Variants in FOXP1 observed in about 807,000 individuals in gnomAD.
The protein encoded by FOXP1 is forkhead box protein P1.
Under a neutral mutation model 98.2 loss-of-function variants are expected in FOXP1, and 15 were observed. The ratio of observed to expected loss-of-function variants is 0.15; its 90% CI spans 0.10 to 0.24. The LOEUF is 0.24. Among genes scored for constraint, FOXP1 ranks in the 10% least tolerant of loss-of-function variants. The pLI is 1.00. For synonymous variants in FOXP1, 371 were observed against 314.5 expected (o/e 1.18, Z -1.90); for missense variants, 633 against 848.5 (o/e 0.75, Z 3.15).
At chr3:71,583,396 G>A in intron 1 of FOXP1, 175 bp downstream of exon 1, 2 of 899,918 alleles carry the variant, frequency 2.2e-6, no homozygotes, top group Non-Finnish European at 2.7e-6. Flanking sequence ...TGGGGGAGAT[G>A]CACGTGGAGC....
chr3:71,347,912 C>T (rs1484807809), intron 4 of FOXP1, among the ~76,000 whole-genome samples: 1 of 151,716 alleles, frequency 6.6e-6, no homozygotes, highest in African/African-American at 2.4e-5. Context: ...AGTTGTCCCT[C>T]ATTATACACA....
intron 3 of FOXP1, among the ~76,000 whole-genome samples, chr3:71,434,708 T>A (rs1439589888): frequency 6.6e-6 from 1 of 150,404 alleles, no homozygotes; most frequent in Non-Finnish European, 1.5e-5. Context: ...ACTTAAATGG[T>A]GTAGAGTAGA....
At chr3:71,433,206 T>C (rs1434152742) in intron 3 of FOXP1, among the ~76,000 whole-genome samples, 1 of 152,212 alleles carries the variant, frequency 6.6e-6, no homozygotes. Context: ...GTAAAAATCA[T>C]GTCATGAACT....
intron 3 of FOXP1, among the ~76,000 whole-genome samples, chr3:71,369,897 C>G (rs897222718): frequency 6.6e-6 from 1 of 152,172 alleles, no homozygotes; most frequent in Non-Finnish European, 1.5e-5. Flanking sequence ...TTAAGACCTC[C>G]TGGAGCCCAC....
At chr3:71,247,290 T>G (rs544433566) in intron 5 of FOXP1, among the ~76,000 whole-genome samples, 46 of 152,344 alleles carry the variant, frequency 3.0e-4, no homozygotes, top group Non-Finnish European at 5.9e-4. Flanking sequence ...GACCCCAGTC[T>G]GAGGGTGATG....
At chr3:71,284,416 T>A (rs2071890218) in intron 5 of FOXP1, among the ~76,000 whole-genome samples, 1 of 152,020 alleles carries the variant, frequency 6.6e-6, no homozygotes, top group Admixed American at 6.6e-5. Context: ...AATATAAAAA[T>A]TAGCTGGACA....
intron 2 of FOXP1, among the ~76,000 whole-genome samples, chr3:71,524,184 G>A (rs1165699962): frequency 6.6e-6 from 1 of 152,028 alleles, no homozygotes; most frequent in African/African-American, 2.4e-5. Context: ...GGCCAACATG[G>A]CAAAACCCGT....
intron 11 of FOXP1, among the ~76,000 whole-genome samples, 195 bp from the exon 12 acceptor site, chr3:71,015,848 G>A (rs904973667): frequency 7.9e-5 from 12 of 152,172 alleles, no homozygotes; most frequent in African/African-American, 2.9e-4. Context: ...TTGTACCTAA[G>A]TGTATTTAGT....
chr3:71,039,861 T>A (rs1040138198), intron 11 of FOXP1, among the ~76,000 whole-genome samples: 1 of 152,040 alleles, frequency 6.6e-6, no homozygotes, highest in African/African-American at 2.4e-5. Context: ...AGAAGCCACA[T>A]TTCCCTCAAT....
intron 2 of FOXP1, among the ~76,000 whole-genome samples, chr3:71,500,023 C>G (rs75467744): frequency 0.043 from 6,484 of 152,264 alleles, 204 homozygotes; most frequent in Non-Finnish European, 0.067. Flanking sequence ...AAACGGTCAC[C>G]AGATTTAACC....
chr3:71,519,350 T>C (rs9866496), intron 2 of FOXP1, among the ~76,000 whole-genome samples: 44,631 of 152,136 alleles, frequency 0.29, 7,576 homozygotes, highest in African/African-American at 0.46. Flanking sequence ...GCGGAGACTT[T>C]ACATAGTACA....
intron 2 of FOXP1, among the ~76,000 whole-genome samples, chr3:71,509,943 C>T (rs949015044): frequency 1.3e-5 from 2 of 152,162 alleles, no homozygotes; most frequent in African/African-American, 4.8e-5. Context: ...CTTTGGGAGG[C>T]CAAGGCGAGC....
rs932028263 is a variant in FOXP1, at chr3:70,977,697, A to G, written c.1374T>C (p.Phe458=). 6.2e-7 allele frequency: 1 copy of G among 1,614,056 alleles called. No homozygotes were observed. Among genetic ancestry groups the G allele is most frequent in the Non-Finnish European group, 8.5e-7 (1 of 1,180,016 alleles). The part of the protein sequence containing the change: ...SSADIAQNQE[F]YKNAEVRPPF... ...GTGGTCTAACTTCTGCGTTCTTATA[A>G]AATTCTTGGTTCTGCGCAATATCTG... Residue 458 remains phenylalanine (F), a synonymous_variant, in exon 16 of 21, where the codon TTT becomes TTC. Coordinates refer to ENST00000649528, the MANE Select transcript of FOXP1 (RefSeq NM_001349338.3).
At chr3:71,029,356 G>A (rs1296159487) in intron 11 of FOXP1, among the ~76,000 whole-genome samples, 2 of 151,988 alleles carry the variant, frequency 1.3e-5, no homozygotes, top group African/African-American at 4.8e-5. Flanking sequence ...GATGTAGGGG[G>A]AACATACACA....
chr3:71,026,393 T>C (rs1187700547), intron 11 of FOXP1, among the ~76,000 whole-genome samples: 2 of 152,080 alleles, frequency 1.3e-5, no homozygotes, highest in Non-Finnish European at 2.9e-5. Flanking sequence ...TGTAGCTGGG[T>C]TAACTTCGCA....
chr3:71,441,861 C>T (rs1213142657), intron 3 of FOXP1, among the ~76,000 whole-genome samples: 1 of 152,128 alleles, frequency 6.6e-6, no homozygotes, highest in Non-Finnish European at 1.5e-5. Context: ...ACTCAGACTG[C>T]AGAAGAATGT....
Position 70,957,130 on chromosome 3 carries a change from C to G in FOXP1, c.*2117G>C, listed in dbSNP as rs1182107648. On this transcript the variant is annotated 3_prime_UTR_variant, in exon 21 of 21. Coordinates refer to ENST00000649528, the MANE Select transcript of FOXP1 (RefSeq NM_001349338.3). ...TCTAAACTGTCTCCTTTATTGGATACTCTAATTGCAGTGGCATACATTCAT... is the reference window on the plus strand; with the variant it reads ...TCTAAACTGTCTCCTTTATTGGATAGTCTAATTGCAGTGGCATACATTCAT... 3 of 221,706 alleles carry G rather than the reference C, an allele frequency of 1.4e-5. No individual in the cohort carries two copies. Among genetic ancestry groups the G allele is most frequent in the Non-Finnish European group, 2.7e-5 (3 of 110,690 alleles). The allele number at this position is 221,706 out of a possible 1,614,324, so 13.7% of individuals were successfully genotyped here.
chr3:71,396,166 G>A (rs750758059), intron 3 of FOXP1, among the ~76,000 whole-genome samples: 5 of 152,052 alleles, frequency 3.3e-5, no homozygotes, highest in Non-Finnish European at 7.4e-5. Context: ...CTCTGCTACC[G>A]GACTACACAG....
In FOXP1 at chr3:71,175,253, G is replaced by A. The variant is rs532210601; in HGVS notation, c.180+22949C>T. 5.3e-5 allele frequency among the ~76,000 whole-genome samples: 8 copies of A among 152,318 alleles called. No homozygotes were observed. In the South Asian group the frequency reaches 1.7e-3, roughly 32 times the overall value. ...AGTAGCTTGAGGGGCAAATATGTAA[G>A]CCACCCAGAAACATGCATGTACTTC... On this transcript the variant is annotated intron_variant, in intron 6 of 20. Transcript: ENST00000649528.
Sources: gnomAD v4.1 joint callset for allele counts (sites outside exome capture counted in the v4.1 genomes callset) on GRCh38, gnomAD v4.1.1 for gene constraint, MANE v1.5 for transcripts, NCBI Gene and HGNC (gene_info 2026-07-23, HGNC 2026-07-21) for gene names.